CAMTA1: variants seen among roughly 807,000 people sequenced by gnomAD.
CAMTA1 encodes the protein calmodulin binding transcription activator 1.
CAMTA1 carries 27 observed loss-of-function variants against 170.9 expected under a neutral mutation model. The ratio of observed to expected loss-of-function variants is 0.16; its 90% confidence interval spans 0.12 to 0.22. The LOEUF is 0.22. CAMTA1 is among the 10% of genes least tolerant of loss of function. The pLI, the probability that CAMTA1 is intolerant of heterozygous loss-of-function variation, is 1.00. For synonymous variants in CAMTA1, 833 were observed against 891.5 expected, an observed-to-expected ratio of 0.93 and a Z score of 1.17; for missense variants, 1,619 against 2,217.2, an observed-to-expected ratio of 0.73 and a Z score of 5.42.
intron 3 of CAMTA1, among the ~76,000 whole-genome samples, chr1:6,902,066 CACACACAAAAAAAAAAAT>C (rs1467417143): frequency 8.0e-6 from 1 of 125,222 alleles, no homozygotes; most frequent in African/African-American, 3.3e-5. Context: ...CACACACACA[CACACACAAAAAAAAAAAT>C]AAAAATAAAA....
intron 4 of CAMTA1, among the ~76,000 whole-genome samples, chr1:7,106,095 A>ATTTGT (rs1181710641): frequency 6.6e-6 from 1 of 152,134 alleles, no homozygotes; most frequent in East Asian, 1.9e-4. Context: ...TTAATTTGTA[A>ATTTGT]AACTGCTTAG....
intron 6 of CAMTA1, among the ~76,000 whole-genome samples, chr1:7,637,588 C>T (rs768973523): frequency 3.3e-5 from 5 of 152,180 alleles, no homozygotes; most frequent in African/African-American, 4.8e-5. Context: ...CTTGGGCATA[C>T]TGCAAGAATG....
intron 5 of CAMTA1, among the ~76,000 whole-genome samples, chr1:7,261,670 G>A (rs1279332534): frequency 1.3e-5 from 2 of 152,202 alleles, no homozygotes; most frequent in African/African-American, 4.8e-5. Context: ...AAATAACAGA[G>A]TCAGGGAGGG....
chr1:6,809,732 G>GA (rs1283303904), intron 1 of CAMTA1, among the ~76,000 whole-genome samples: 3 of 152,108 alleles, frequency 2.0e-5, no homozygotes, highest in African/African-American at 7.2e-5. Context: ...AGAGGGGAGA[G>GA]AACCAGTAGA....
chr1:7,284,711 G>A (rs1033970411), intron 5 of CAMTA1, among the ~76,000 whole-genome samples: 2 of 152,080 alleles, frequency 1.3e-5, no homozygotes, highest in African/African-American at 4.8e-5. Flanking sequence ...TCTTGTGCTC[G>A]CCACATGCCC....
At chr1:6,968,206 CTT>C (rs1264015970) in intron 3 of CAMTA1, among the ~76,000 whole-genome samples, 1 of 152,174 alleles carries the variant, frequency 6.6e-6, no homozygotes, top group African/African-American at 2.4e-5. Context: ...GAAAACGGCT[CTT>C]AATGTGGCCC....
intron 4 of CAMTA1, among the ~76,000 whole-genome samples, chr1:7,164,290 T>G (rs1403643669): frequency 6.6e-6 from 1 of 152,240 alleles, no homozygotes; most frequent in Non-Finnish European, 1.5e-5. Context: ...TATTTGGAAG[T>G]TGAGGCAGAC....
intron 6 of CAMTA1, among the ~76,000 whole-genome samples, chr1:7,594,956 G>A (rs891182722): frequency 6.6e-6 from 1 of 152,226 alleles, no homozygotes; most frequent in African/African-American, 2.4e-5. Context: ...ATGTGATTCA[G>A]GAATGAAGGA....
rs896104860 is a variant in CAMTA1 at position 7,532,027 on chromosome 1, A to G, written c.510+64126A>G. Among the ~76,000 whole-genome samples, 3 of 152,206 alleles carry G rather than the reference A, an allele frequency of 2.0e-5. No homozygotes were observed. The highest frequency in any genetic ancestry group is 4.4e-5 in the Non-Finnish European group (3 of 68,042). On this transcript the variant is annotated intron_variant, in intron 6 of 22. Transcript: ENST00000303635. This position sits in a 1 kb window ranked among gnomAD's most constrained non-coding sequence, Gnocchi z 4.2. ...GCTAGTCCTTTAGATGTTCAATACC[A>G]TGAAGGAAATGAAAGCAGTGGAAGA...
chr1:7,206,878 T>C (rs1367273811), intron 4 of CAMTA1, among the ~76,000 whole-genome samples: 1 of 152,192 alleles, frequency 6.6e-6, no homozygotes, highest in Admixed American at 6.5e-5. Flanking sequence ...TTCCAAATTC[T>C]GACCCAAATG....
At chr1:6,952,479 T>C (rs972482733) in intron 3 of CAMTA1, among the ~76,000 whole-genome samples, 3 of 150,200 alleles carry the variant, frequency 2.0e-5, no homozygotes, top group African/African-American at 7.3e-5. Flanking sequence ...TGAAGAGTTT[T>C]CTTTGGGAAT....
intron 3 of CAMTA1, among the ~76,000 whole-genome samples, chr1:7,026,999 A>C (rs1010036632): frequency 1.3e-5 from 2 of 152,050 alleles, no homozygotes; most frequent in Admixed American, 1.3e-4. Flanking sequence ...AAAATGTCTT[A>C]TCTTTATGGT....
intron 6 of CAMTA1, among the ~76,000 whole-genome samples, chr1:7,551,324 G>A (rs958692611): frequency 5.3e-5 from 8 of 152,208 alleles, no homozygotes; most frequent in African/African-American, 1.7e-4. Context: ...GCATGTGTGT[G>A]TGTGCACATG....
intron 3 of CAMTA1, among the ~76,000 whole-genome samples, chr1:7,018,204 G>A (rs1170272621): frequency 6.9e-6 from 1 of 144,840 alleles, no homozygotes; most frequent in Non-Finnish European, 1.5e-5. Flanking sequence ...GATGGATGGA[G>A]CGGGGGCTTA....
At chr1:7,763,806 G>A (rs1299514933) in intron 22 of CAMTA1, among the ~76,000 whole-genome samples, 3 of 152,076 alleles carry the variant, frequency 2.0e-5, no homozygotes, top group Non-Finnish European at 4.4e-5. Flanking sequence ...TAACATCGTC[G>A]TGTTTATGCT....
rs1292506513 is a variant in CAMTA1 at position 7,146,869 on chromosome 1, T to G, written c.302+55498T>G. Among the ~76,000 whole-genome samples, 2 of 150,402 alleles carry G rather than the reference T, an allele frequency of 1.3e-5. No homozygotes were observed. Among genetic ancestry groups the G allele is most frequent in the Non-Finnish European group, 1.5e-5 (1 of 67,638 alleles). On this transcript the variant is annotated intron_variant, in intron 4 of 22. Coordinates refer to ENST00000303635, the MANE Select transcript of CAMTA1 (RefSeq NM_015215.4). The surrounding 1 kb of genome is among the most constrained non-coding windows in gnomAD (Gnocchi z 4.3). ...CACACACAAACACAAAGACACAACA[T>G]GTACACAGACACTCAAACATATGCC...
chr1:7,323,123 T>TA (rs1678709628), intron 5 of CAMTA1, among the ~76,000 whole-genome samples: 5 of 151,102 alleles, frequency 3.3e-5, no homozygotes, highest in Admixed American at 2.6e-4. Flanking sequence ...ACTCCTTTTT[T>TA]TAAAAAATTA....
intron 3 of CAMTA1, among the ~76,000 whole-genome samples, chr1:6,948,423 A>G (rs564625703): frequency 6.6e-6 from 1 of 152,332 alleles, no homozygotes; most frequent in South Asian, 2.1e-4. Context: ...CAAGATAGAA[A>G]TGACAGCACT....
At chr1:6,829,312 AAG>A (rs1648711710) in intron 3 of CAMTA1, among the ~76,000 whole-genome samples, 1 of 152,216 alleles carries the variant, frequency 6.6e-6, no homozygotes, top group Admixed American at 6.5e-5. Flanking sequence ...CTAAGAAGGT[AAG>A]AGAGATCGTT....
Sources: allele counts gnomAD v4.1 joint callset (sites outside exome capture counted in the v4.1 genomes callset), GRCh38; gene constraint gnomAD v4.1.1; non-coding constraint Gnocchi (gnomAD v3.1); transcripts MANE v1.5; gene names NCBI Gene and HGNC (gene_info 2026-07-23, HGNC 2026-07-21).